The following DIAPH2 variants were observed in gnomAD, a reference collection of about 807,000 sequenced individuals.
DIAPH2 encodes diaphanous related formin 2.
A neutral mutation model predicts 92.7 loss-of-function variants in DIAPH2; 35 were observed. The observed-to-expected ratio is 0.38, with a 90% CI of 0.29 to 0.50. DIAPH2 has a LOEUF of 0.50. DIAPH2 is among the 20% of genes least tolerant of loss of function. DIAPH2 has a pLI of 0.94. For synonymous variants in DIAPH2, 301 were observed against 280.4 expected (o/e 1.07, Z -0.73); for missense variants, 701 against 819.5 (o/e 0.86, Z 1.77).
In DIAPH2 at chrX:96,937,970, CTGTTA is replaced by C. The variant is rs747699802; in HGVS notation, c.1208+624_1208+628del. 4.2e-3 allele frequency among the ~76,000 whole-genome samples: 466 copies of C among 111,453 alleles called. 2 individuals are homozygous for C. Among genetic ancestry groups the C allele is most frequent in the Non-Finnish European group, 7.0e-3 (373 of 52,987 alleles). ...GCATTGCTGGCCATTTGTTTCGCACCTGTTATGTTTCTTACTTAATGGATTCTGGT... is the reference window on the plus strand; with the variant it reads ...GCATTGCTGGCCATTTGTTTCGCACCTGTTTCTTACTTAATGGATTCTGGT... On this transcript the variant is annotated intron_variant, in intron 11 of 26. Transcript: ENST00000324765.
At chrX:97,377,809 A>T (rs902193913) in intron 24 of DIAPH2, among the ~76,000 whole-genome samples, 29 of 111,497 alleles carry the variant, frequency 2.6e-4, no homozygotes, top group African/African-American at 8.8e-4. Context: ...TAAGACATTT[A>T]AAAAAAATCT....
intron 17 of DIAPH2, among the ~76,000 whole-genome samples, chrX:97,070,566 TAAAACA>T (rs1174262539): frequency 1.8e-5 from 2 of 111,727 alleles, no homozygotes; most frequent in Non-Finnish European, 3.8e-5. Flanking sequence ...GGAATGCTTT[TAAAACA>T]AGAAGGCCAA....
chrX:97,228,806 A>G lies in DIAPH2; in HGVS notation c.2720-18909A>G, dbSNP rs755499746. Among the ~76,000 whole-genome samples, 5 of 112,408 alleles carry G rather than the reference A, an allele frequency of 4.4e-5. No homozygotes were observed. In the South Asian group the frequency reaches 1.5e-3, roughly 33 times the overall value. ...TAGCAAAATTGAGATTTCTCTCTGT[A>G]TGTCATGCTAAAAATGTAGCTGAGA... On this transcript the variant is annotated intron_variant, in intron 22 of 26. Transcript: ENST00000324765.
intron 22 of DIAPH2, among the ~76,000 whole-genome samples, chrX:97,192,313 AAG>A (rs1176509087): frequency 0.016 from 1,481 of 90,342 alleles, 10 homozygotes; most frequent in Middle Eastern, 0.028. Context: ...AAAAAAAAAA[AAG>A]AAAAGAAAAG....
intron 4 of DIAPH2, among the ~76,000 whole-genome samples, chrX:96,809,854 T>A (rs916541410): frequency 1.8e-5 from 2 of 112,305 alleles, no homozygotes; most frequent in African/African-American, 6.5e-5. Context: ...AACTCATCAT[T>A]TTTTATGGCT....
intron 4 of DIAPH2, among the ~76,000 whole-genome samples, chrX:96,825,006 C>G (rs1193461930): frequency 9.4e-6 from 1 of 106,228 alleles, no homozygotes; most frequent in East Asian, 2.9e-4. Flanking sequence ...AGTGCATTGG[C>G]GTGATCTCAG....
chrX:97,535,962 G>C (rs902522851), intron 26 of DIAPH2, among the ~76,000 whole-genome samples: 2 of 111,905 alleles, frequency 1.8e-5, no homozygotes, highest in Non-Finnish European at 3.8e-5. Flanking sequence ...AAACAACAGA[G>C]AATAGAGTCT....
At chrX:96,807,800 C>G (rs2064639125) in intron 4 of DIAPH2, among the ~76,000 whole-genome samples, 1 of 107,597 alleles carries the variant, frequency 9.3e-6, no homozygotes, top group Admixed American at 1.0e-4. Flanking sequence ...TGGTGTGGAG[C>G]TAAAGCCTTT....
At chrX:97,235,715 C>T (rs773395340) in intron 22 of DIAPH2, among the ~76,000 whole-genome samples, 12 of 109,891 alleles carry the variant, frequency 1.1e-4, no homozygotes, top group Non-Finnish European at 1.5e-4. Context: ...CGGTGTCCTA[C>T]AAGACCCTAC....
At chrX:96,985,099 T>A (rs2066022355) in intron 17 of DIAPH2, among the ~76,000 whole-genome samples, 2 of 111,555 alleles carry the variant, frequency 1.8e-5, no homozygotes, top group Non-Finnish European at 3.8e-5. Flanking sequence ...GTCAGTTGTA[T>A]AACTGGCAGT....
At chrX:97,176,872 G>T (rs2067496825) in intron 22 of DIAPH2, among the ~76,000 whole-genome samples, 1 of 111,805 alleles carries the variant, frequency 8.9e-6, no homozygotes, top group East Asian at 2.8e-4. Flanking sequence ...ATTCGTGGAT[G>T]CTCAAGTTCT....
At chrX:97,121,781 G>A (rs1306533863) in intron 21 of DIAPH2, among the ~76,000 whole-genome samples, 1 of 111,786 alleles carries the variant, frequency 8.9e-6, no homozygotes, top group African/African-American at 3.2e-5. Context: ...TAAAACCAAA[G>A]ATATTTTAGA....
Position 97,604,969 on chromosome X carries a change from T to G in DIAPH2, c.*5652T>G, listed in dbSNP as rs2071611937. 8.9e-6 allele frequency: 1 copy of G among 112,309 alleles called. No individual in the cohort carries two copies. The highest frequency in any genetic ancestry group is 1.9e-5 in the Non-Finnish European group (1 of 53,346). The allele number at this position is 112,309 out of a possible 1,213,427, so 9.3% of individuals were successfully genotyped here. Reference sequence around the variant, plus strand: ...AATCTATATGTAATGGCTACTTACTTATTCAATAAAGTTAAGATATACGTT... The same window carrying G: ...AATCTATATGTAATGGCTACTTACTGATTCAATAAAGTTAAGATATACGTT... On this transcript the variant is annotated 3_prime_UTR_variant, in exon 27 of 27. Transcript: ENST00000324765.
chrX:96,815,961 G>A (rs932590239), intron 4 of DIAPH2, among the ~76,000 whole-genome samples: 6 of 111,384 alleles, frequency 5.4e-5, no homozygotes, highest in African/African-American at 2.0e-4. Flanking sequence ...GTGAGCCACC[G>A]CGCCTGGCCT....
At chrX:97,177,115 A>G (rs1466985145) in intron 22 of DIAPH2, among the ~76,000 whole-genome samples, 1 of 111,228 alleles carries the variant, frequency 9.0e-6, no homozygotes, top group African/African-American at 3.3e-5. Flanking sequence ...TTGAATTTAT[A>G]GATGTAGAAC....
intron 4 of DIAPH2, among the ~76,000 whole-genome samples, chrX:96,775,043 T>C (rs2064366849): frequency 9.0e-6 from 1 of 111,604 alleles, no homozygotes; most frequent in East Asian, 2.8e-4. Flanking sequence ...CATCTTAAAA[T>C]CTTTTTTTTT....
intron 26 of DIAPH2, among the ~76,000 whole-genome samples, chrX:97,596,249 CAT>C (rs1230487918): frequency 9.0e-6 from 1 of 111,619 alleles, no homozygotes; most frequent in Non-Finnish European, 1.9e-5. Context: ...TATGACAAAT[CAT>C]GTTACCCCAT....
intron 17 of DIAPH2, among the ~76,000 whole-genome samples, chrX:96,988,162 C>T (rs184571267): frequency 1.8e-5 from 2 of 108,664 alleles, no homozygotes; most frequent in African/African-American, 6.7e-5. Flanking sequence ...GTGATTAAGG[C>T]GATGTGATCT....
At chrX:96,937,883 T>C (rs1281601076) in intron 11 of DIAPH2, among the ~76,000 whole-genome samples, 1 of 111,950 alleles carries the variant, frequency 8.9e-6, no homozygotes, top group Admixed American at 9.5e-5. Context: ...AGCTAGCATA[T>C]AACCTTCCGA....
Sources: allele counts gnomAD v4.1 joint callset (sites outside exome capture counted in the v4.1 genomes callset), GRCh38; gene constraint gnomAD v4.1.1; transcripts MANE v1.5; gene names NCBI Gene and HGNC (gene_info 2026-07-23, HGNC 2026-07-21).